Variants in ZNF609 observed in about 807,000 individuals in gnomAD.
ZNF609 encodes zinc finger protein 609.
In ZNF609, 11 loss-of-function variants were observed where a neutral mutation model predicts 109.5. The observed-to-expected ratio is 0.10, with a 90% CI of 0.06 to 0.17. ZNF609 has a LOEUF of 0.17. Ranked by LOEUF, ZNF609 falls within the 10% of genes least tolerant of loss-of-function variation. The pLI is 1.00. For missense variants in ZNF609, 1,559 were observed against 1,772.4 expected (o/e 0.88, Z 2.16); for synonymous variants, 646 against 662.0 (o/e 0.98, Z 0.37).
intron 2 of ZNF609, among the ~76,000 whole-genome samples, chr15:64,584,360 C>T (rs544179623): frequency 1.3e-5 from 2 of 152,178 alleles, no homozygotes; most frequent in Admixed American, 1.3e-4. Flanking sequence ...GAGCCTTGCT[C>T]TGTCACCTGG....
intron 2 of ZNF609, among the ~76,000 whole-genome samples, chr15:64,509,910 G>T (rs571556513): frequency 2.6e-5 from 4 of 152,326 alleles, no homozygotes; most frequent in South Asian, 4.1e-4. Context: ...GTCAAGAGAA[G>T]AATGAGGATT....
chr15:64,581,549 C>A (rs1214388513), intron 2 of ZNF609, among the ~76,000 whole-genome samples: 2 of 151,994 alleles, frequency 1.3e-5, no homozygotes, highest in African/African-American at 4.8e-5. Context: ...ATATAGATAA[C>A]CTTGCAAGTG....
intron 2 of ZNF609, among the ~76,000 whole-genome samples, chr15:64,608,563 A>G (rs1895650622): frequency 6.6e-6 from 1 of 152,190 alleles, no homozygotes; most frequent in Admixed American, 6.5e-5. Flanking sequence ...GAACAGTTAC[A>G]TCACCACATC....
intron 3 of ZNF609, among the ~76,000 whole-genome samples, chr15:64,642,652 A>G (rs1896278678): frequency 6.6e-6 from 1 of 152,124 alleles, no homozygotes; most frequent in Admixed American, 6.6e-5. Context: ...AAAATTAGCC[A>G]GGCAAGTGGC....
chr15:64,679,730 C>G (rs1432001677), intron 6 of ZNF609, among the ~76,000 whole-genome samples: 1 of 152,154 alleles, frequency 6.6e-6, no homozygotes, highest in East Asian at 1.9e-4. Context: ...CTTTTTTAAT[C>G]CTCCCTATCA....
intron 1 of ZNF609, among the ~76,000 whole-genome samples, chr15:64,488,160 T>G (rs1893358362): frequency 6.6e-6 from 1 of 152,168 alleles, no homozygotes; most frequent in Non-Finnish European, 1.5e-5. Context: ...AAACTTTCCC[T>G]TAGATTCTTA....
intron 2 of ZNF609, among the ~76,000 whole-genome samples, chr15:64,545,582 G>T (rs1894345102): frequency 6.6e-6 from 1 of 152,158 alleles, no homozygotes; most frequent in Admixed American, 6.5e-5. Context: ...GATGACTTTT[G>T]TGAAATGGAT....
intron 3 of ZNF609, among the ~76,000 whole-genome samples, chr15:64,637,913 G>A (rs1177454459): frequency 6.8e-6 from 1 of 146,776 alleles, no homozygotes; most frequent in Non-Finnish European, 1.5e-5. Flanking sequence ...TTTATTGTTA[G>A]TGCTTTCTGT....
chr15:64,534,484 T>C (rs1298241623), intron 2 of ZNF609, among the ~76,000 whole-genome samples: 1 of 151,972 alleles, frequency 6.6e-6, no homozygotes, highest in Non-Finnish European at 1.5e-5. Flanking sequence ...CTGGCTACTT[T>C]TTGTATTTTT....
chr15:64,519,435 T>A (rs538403), intron 2 of ZNF609, among the ~76,000 whole-genome samples: 149,749 of 152,292 alleles, frequency 0.98, 73,668 homozygotes, highest in East Asian at 1. Context: ...GCTACCTTAG[T>A]TGGCATATTG....
chr15:64,462,576 C>T (rs1043628502), intron 1 of ZNF609, among the ~76,000 whole-genome samples: 2 of 152,136 alleles, frequency 1.3e-5, no homozygotes, highest in African/African-American at 4.8e-5. Flanking sequence ...TAAGACCAGC[C>T]TGGGCAACAA....
chr15:64,623,062 A>G lies in ZNF609; in HGVS notation c.973+10A>G. ...CAGGAAACAGAAGATGGTAAGTGTGATATGTGGCTTTCCCCTCCCTTCTCA... is the reference window on the plus strand; with the variant it reads ...CAGGAAACAGAAGATGGTAAGTGTGGTATGTGGCTTTCCCCTCCCTTCTCA... On this transcript the variant is annotated intron_variant, in intron 3 of 9. Transcript: ENST00000326648. 1 of 1,612,120 alleles carries G rather than the reference A, an allele frequency of 6.2e-7. No homozygotes were observed. Among genetic ancestry groups the G allele is most frequent in the Non-Finnish European group, 8.5e-7 (1 of 1,178,214 alleles).
chr15:64,489,108 CAAAAT>C (rs944607729), intron 1 of ZNF609, among the ~76,000 whole-genome samples: 1 of 148,276 alleles, frequency 6.7e-6, no homozygotes, highest in Non-Finnish European at 1.5e-5. Flanking sequence ...GACCCTGTCT[CAAAAT>C]AAAAAAAAAG....
intron 1 of ZNF609, among the ~76,000 whole-genome samples, chr15:64,467,773 A>G (rs1261638496): frequency 6.6e-6 from 1 of 152,150 alleles, no homozygotes; most frequent in Non-Finnish European, 1.5e-5. Flanking sequence ...TGAATCTGAG[A>G]GATGGAGGTT....
chr15:64,522,569 G>A (rs975166254), intron 2 of ZNF609, among the ~76,000 whole-genome samples: 1 of 152,186 alleles, frequency 6.6e-6, no homozygotes, highest in African/African-American at 2.4e-5. Flanking sequence ...ATCTTCATTT[G>A]TGATTGTCTT....
intron 2 of ZNF609, among the ~76,000 whole-genome samples, chr15:64,563,406 G>A (rs143120238): frequency 2.8e-4 from 40 of 141,738 alleles, no homozygotes; most frequent in African/African-American, 9.5e-4. Context: ...AGCCATGATC[G>A]CATCACTGCA....
intron 1 of ZNF609, among the ~76,000 whole-genome samples, chr15:64,489,612 T>C (rs579447): frequency 6.8e-6 from 1 of 147,298 alleles, no homozygotes. Flanking sequence ...TCACTGCAAC[T>C]TCTGCCTCCT....
intron 2 of ZNF609, among the ~76,000 whole-genome samples, chr15:64,582,719 T>C (rs1260185745): frequency 4.9e-5 from 2 of 40,958 alleles, no homozygotes; most frequent in Non-Finnish European, 1.7e-4. Context: ...TTTCTTTCTT[T>C]TTTCTTTTTT....
chr15:64,652,075 T>C (rs1896425061), intron 3 of ZNF609, among the ~76,000 whole-genome samples: 1 of 152,248 alleles, frequency 6.6e-6, no homozygotes, highest in Non-Finnish European at 1.5e-5. Context: ...AGTCTCTCTC[T>C]GTCACCCAAG....
Sources: allele counts gnomAD v4.1 joint callset (sites outside exome capture counted in the v4.1 genomes callset), GRCh38; gene constraint gnomAD v4.1.1; transcripts MANE v1.5; gene names NCBI Gene and HGNC (gene_info 2026-07-23, HGNC 2026-07-21).